Variants in RB1CC1 observed in about 807,000 individuals in gnomAD.
The protein encoded by RB1CC1 is RB1 inducible coiled-coil 1, also known as RB1-inducible coiled-coil protein 1.
A neutral mutation model predicts 177.5 loss-of-function variants in RB1CC1; 46 were observed. The observed-to-expected ratio is 0.26, with a 90% CI of 0.20 to 0.33. The LOEUF (loss-of-function observed/expected upper bound fraction) is 0.33. Ranked by LOEUF, RB1CC1 falls within the 10% of genes least tolerant of loss-of-function variation. The pLI is 1.00. For synonymous variants in RB1CC1, 666 were observed against 613.6 expected, an observed-to-expected ratio of 1.09 and a Z score of -1.26; for missense variants, 1,703 against 1,816.3, an observed-to-expected ratio of 0.94 and a Z score of 1.13.
intron 15 of RB1CC1, among the ~76,000 whole-genome samples, chr8:52,651,041 A>G (rs1396234149): frequency 6.6e-6 from 1 of 152,230 alleles, no homozygotes; most frequent in Non-Finnish European, 1.5e-5. Flanking sequence ...TCTAACAAAG[A>G]AGGAATTGCA....
intron 15 of RB1CC1, among the ~76,000 whole-genome samples, chr8:52,651,921 T>G (rs1850622695): frequency 6.6e-6 from 1 of 152,214 alleles, no homozygotes; most frequent in African/African-American, 2.4e-5. Context: ...GAAAATCCAC[T>G]AATAGCTGCA....
chr8:52,661,427 T>C, intron 9 of RB1CC1, 108 bp downstream of exon 9: 4 of 1,449,394 alleles, frequency 2.8e-6, no homozygotes, highest in Non-Finnish European at 9.3e-7. Flanking sequence ...AGTTCATCAA[T>C]AAGGTATTTC....
Position 52,676,508 on chromosome 8 carries a change from GATGTTCATC to G in RB1CC1, c.424_432del (p.Asp142_His144del). 6.2e-7 allele frequency: 1 copy of G among 1,613,584 alleles called. No homozygotes were observed. Among genetic ancestry groups the G allele is most frequent in the Non-Finnish European group, 8.5e-7 (1 of 1,179,810 alleles). On this transcript the variant is annotated inframe_deletion, in exon 6 of 24. Coordinates refer to ENST00000025008, the MANE Select transcript of RB1CC1 (RefSeq NM_014781.5). The stretch of plus-strand genomic sequence containing the variant: ...ATTGCAGCCCAGCCTTGGTGTTGAA[GATGTTCATC>G]ATGTACAAGACCTTCACAAAAAGAA...
chr8:52,624,530 T>A (rs1848247848), intron 23 of RB1CC1, among the ~76,000 whole-genome samples, 187 bp downstream of exon 23: 1 of 151,970 alleles, frequency 6.6e-6, no homozygotes, highest in African/African-American at 2.4e-5. Context: ...AGTTAATCTA[T>A]CTCTACTATC....
rs1848182959 is a variant in RB1CC1 at position 52,623,502 on chromosome 8, C to A, written c.*280G>T. ...CATAAGCCACAATGCACAAGGTATG[C>A]CCTTTGAGAAAATGAAGTAGTTTGG... is the stretch of plus-strand genomic sequence containing the variant. On this transcript the variant is annotated 3_prime_UTR_variant, in exon 24 of 24. Transcript: ENST00000025008. The A allele has an allele frequency of 2.4e-6, 1 of 414,924 alleles. No individual in the cohort carries two copies. 25.7% of individuals were successfully genotyped at this position (414,924 alleles called of 1,614,324 possible). A position where few individuals can be genotyped will look rare whatever the true frequency, so the allele number is the denominator to read the frequency against.
intron 1 of RB1CC1, among the ~76,000 whole-genome samples, chr8:52,701,751 CTCT>C (rs777589856): frequency 6.6e-6 from 1 of 151,530 alleles, no homozygotes; most frequent in Non-Finnish European, 1.5e-5. Flanking sequence ...CTCAAATTTT[CTCT>C]TCTTTACCTT....
At chr8:52,693,985 T>C (rs1855137355) in intron 1 of RB1CC1, among the ~76,000 whole-genome samples, 1 of 152,184 alleles carries the variant, frequency 6.6e-6, no homozygotes, top group African/African-American at 2.4e-5. Context: ...GAGAGAAATT[T>C]TTCCATACCT....
At chr8:52,644,639 T>C (rs1391152096) in intron 16 of RB1CC1, among the ~76,000 whole-genome samples, 3 of 152,156 alleles carry the variant, frequency 2.0e-5, no homozygotes, top group South Asian at 2.1e-4. Flanking sequence ...CACACTTTTT[T>C]TTCTGGTTGT....
intron 12 of RB1CC1, 37 bp downstream of exon 12, chr8:52,660,557 CAT>C (rs1851523501): frequency 6.6e-7 from 1 of 1,512,842 alleles, no homozygotes; most frequent in African/African-American, 1.4e-5. Flanking sequence ...GGTTTTAAAA[CAT>C]ATGGAATTTA....
At chr8:52,650,026 G>A (rs1850427195) in intron 15 of RB1CC1, among the ~76,000 whole-genome samples, 1 of 152,036 alleles carries the variant, frequency 6.6e-6, no homozygotes, top group African/African-American at 2.4e-5. Context: ...CAGATTATGT[G>A]CCTTTTTCTT....
intron 1 of RB1CC1, among the ~76,000 whole-genome samples, chr8:52,703,484 C>T (rs1053439223): frequency 3.1e-4 from 47 of 152,228 alleles, no homozygotes; most frequent in Admixed American, 2.0e-3. Flanking sequence ...ACCATTTAGG[C>T]TGATCTCCTG....
chr8:52,649,022 C>T (rs753776985), intron 15 of RB1CC1, among the ~76,000 whole-genome samples: 4 of 152,150 alleles, frequency 2.6e-5, no homozygotes, highest in Non-Finnish European at 5.9e-5. Context: ...ACAAATCATG[C>T]TACTCAAAAC....
chr8:52,656,390 C>A lies in RB1CC1; in HGVS notation c.3439G>T (p.Glu1147Ter). 6.2e-7 allele frequency: 1 copy of A among 1,610,324 alleles called. No homozygotes were observed. The highest frequency in any genetic ancestry group is 2.2e-5 in the East Asian group (1 of 44,792). Residue 1147 changes from glutamate (E) to a stop codon, truncating the protein, a stop_gained, in exon 15 of 24, where the codon GAA becomes TAA. Transcript: ENST00000025008. LOFTEE classifies it high-confidence loss of function. Reference sequence around the variant, plus strand: ...AATTCAGCTTTAAGTATATTAGATTCTTCTTCATGTCTACTAATTAACTCG... The same window carrying A: ...AATTCAGCTTTAAGTATATTAGATTATTCTTCATGTCTACTAATTAACTCG... ...ISELISRHEE[E>*]SNILKAELNK...
intron 5 of RB1CC1, among the ~76,000 whole-genome samples, chr8:52,679,181 T>C (rs1432675147): frequency 6.6e-6 from 1 of 152,212 alleles, no homozygotes; most frequent in Non-Finnish European, 1.5e-5. Context: ...CAGGCAAACC[T>C]GCCTCCAATT....
intron 1 of RB1CC1, among the ~76,000 whole-genome samples, chr8:52,689,858 G>A (rs1201088030): frequency 6.6e-6 from 1 of 152,086 alleles, no homozygotes; most frequent in East Asian, 1.9e-4. Flanking sequence ...GCTTGAACTG[G>A]GAGGCGGAGG....
intron 15 of RB1CC1, among the ~76,000 whole-genome samples, chr8:52,649,026 TCAAAA>T (rs1850318000): frequency 6.6e-6 from 1 of 152,200 alleles, no homozygotes; most frequent in African/African-American, 2.4e-5. Context: ...ATCATGCTAC[TCAAAA>T]CAGTGTCCAA....
At position 52,622,699 on chromosome 8, in the gene RB1CC1, C is replaced by A. The variant is rs1848139384; in HGVS notation, c.*1083G>T. The A allele has an allele frequency of 6.6e-6, 1 of 152,026 alleles. No homozygotes were observed. The highest frequency in any genetic ancestry group is 2.4e-5 in the African/African-American group (1 of 41,404). The allele number at this position is 152,026 out of a possible 1,614,324, so 9.4% of individuals were successfully genotyped here. A position where few individuals can be genotyped will look rare whatever the true frequency, so the allele number is the denominator to read the frequency against. ...AAATAACTTTGCTCAATGGCAACTT[C>A]TCTAAAGATCTAGTTTACACAATTC... On this transcript the variant is annotated 3_prime_UTR_variant, in exon 24 of 24. Transcript: ENST00000025008.
intron 8 of RB1CC1, among the ~76,000 whole-genome samples, chr8:52,666,910 A>C (rs995018011): frequency 2.0e-5 from 3 of 152,240 alleles, no homozygotes; most frequent in Admixed American, 6.5e-5. Flanking sequence ...GTCTAACTGG[A>C]ATCACTGAAA....
chr8:52,683,432 T>C, intron 5 of RB1CC1, 117 bp downstream of exon 5: 2 of 936,242 alleles, frequency 2.1e-6, no homozygotes, highest in East Asian at 3.0e-5. Flanking sequence ...CCGGAAAATA[T>C]TTTTAAAGTT....
Sources: allele counts gnomAD v4.1 joint callset (sites outside exome capture counted in the v4.1 genomes callset), GRCh38; gene constraint gnomAD v4.1.1; transcripts MANE v1.5; gene names NCBI Gene and HGNC (gene_info 2026-07-23, HGNC 2026-07-21).